Variants in TRPM3 observed in about 807,000 individuals in gnomAD.
TRPM3 encodes the protein long transient receptor potential channel 3.
A neutral mutation model predicts 181.2 loss-of-function variants in TRPM3; 77 were observed. The observed-to-expected ratio is 0.42, with a 90% confidence interval of 0.35 to 0.51. The LOEUF (loss-of-function observed/expected upper bound fraction) is 0.51, where lower values mean the gene tolerates loss of function less well. Among genes scored for constraint, TRPM3 ranks in the 20% least tolerant of loss-of-function variants. The pLI is 0.01. For synonymous variants in TRPM3, 745 were observed against 796.4 expected, an observed-to-expected ratio of 0.94 and a Z score of 1.09; for missense variants, 1,759 against 2,196.7, an observed-to-expected ratio of 0.80 and a Z score of 3.98.
intron 1 of TRPM3, among the ~76,000 whole-genome samples, chr9:71,323,194 C>T (rs1489533611): frequency 6.6e-6 from 1 of 152,038 alleles, no homozygotes; most frequent in Non-Finnish European, 1.5e-5. Context: ...AACACCATTA[C>T]AGTAGCCTTC....
At chr9:70,750,364 C>A (rs927377810) in intron 8 of TRPM3, among the ~76,000 whole-genome samples, 2 of 152,094 alleles carry the variant, frequency 1.3e-5, no homozygotes, top group Non-Finnish European at 2.9e-5. Flanking sequence ...CTGTGGAGGG[C>A]CTCAAAGCCA....
chr9:71,096,912 G>A (rs750014938), intron 1 of TRPM3, among the ~76,000 whole-genome samples: 3 of 152,080 alleles, frequency 2.0e-5, no homozygotes, highest in Non-Finnish European at 4.4e-5. Flanking sequence ...AGCTGCTGGA[G>A]TCTATCTGAT....
At chr9:70,749,524 T>C (rs542637475) in intron 8 of TRPM3, among the ~76,000 whole-genome samples, 1 of 152,276 alleles carries the variant, frequency 6.6e-6, no homozygotes, top group East Asian at 1.9e-4. Flanking sequence ...ATTGGACAAC[T>C]ATCTTATTTT....
At chr9:70,942,208 C>T (rs1482982287) in intron 1 of TRPM3, among the ~76,000 whole-genome samples, 1 of 152,162 alleles carries the variant, frequency 6.6e-6, no homozygotes, top group Non-Finnish European at 1.5e-5. Context: ...AATCCAGGAC[C>T]ATTTCCTCTT....
At chr9:71,168,995 G>A (rs955617676) in intron 1 of TRPM3, among the ~76,000 whole-genome samples, 2 of 152,096 alleles carry the variant, frequency 1.3e-5, no homozygotes, top group Non-Finnish European at 2.9e-5. Flanking sequence ...TTCCAATAAA[G>A]CAAGCAATGT....
At chr9:70,791,839 T>C (rs956989132) in intron 6 of TRPM3, among the ~76,000 whole-genome samples, 1 of 152,360 alleles carries the variant, frequency 6.6e-6, no homozygotes, top group East Asian at 1.9e-4. Flanking sequence ...TTGTTTTCAA[T>C]ACAGCTAAAC....
At chr9:71,324,154 G>T (rs1437401899) in intron 1 of TRPM3, among the ~76,000 whole-genome samples, 1 of 152,008 alleles carries the variant, frequency 6.6e-6, no homozygotes. Flanking sequence ...TCAATCTATA[G>T]ATAGATTAGA....
At chr9:71,445,911 T>A (rs1256207675) in intron 1 of TRPM3, among the ~76,000 whole-genome samples, 1 of 152,164 alleles carries the variant, frequency 6.6e-6, no homozygotes, top group Non-Finnish European at 1.5e-5. Context: ...GTTCTCTCCC[T>A]CTGGGATAAA....
intron 9 of TRPM3, among the ~76,000 whole-genome samples, chr9:70,650,254 A>G (rs2059433105): frequency 6.6e-6 from 1 of 152,192 alleles, no homozygotes; most frequent in African/African-American, 2.4e-5. Context: ...ACACAAAACC[A>G]CAGGGGCATG....
Position 71,157,102 on chromosome 9 carries a change from T to C in TRPM3, c.183+289551A>G, listed in dbSNP as rs1488477658. Among the ~76,000 whole-genome samples the C allele has an allele frequency of 3.9e-5, 6 of 152,140 alleles. No individual in the cohort carries two copies. In the East Asian group the frequency reaches 9.6e-4, roughly 24 times the overall value. ...GCTTCCCTGACTGTAATGATCCACA[T>C]TGGATACACACTGACTTTCTTAGAG... On this transcript the variant is annotated intron_variant, in intron 1 of 24. Coordinates refer to the TRPM3 transcript ENST00000357533.
intron 9 of TRPM3, among the ~76,000 whole-genome samples, chr9:70,675,089 C>T (rs2063738138): frequency 2.0e-5 from 3 of 152,032 alleles, no homozygotes; most frequent in South Asian, 4.2e-4. Context: ...AATTTCATTT[C>T]ATTTTTATTT....
chr9:70,548,585 T>G (rs2131795595), intron 25 of TRPM3, among the ~76,000 whole-genome samples: 1 of 152,326 alleles, frequency 6.6e-6, no homozygotes, highest in Middle Eastern at 3.4e-3. Flanking sequence ...GTCAATATGT[T>G]AGGCCTTTCT....
At chr9:71,110,420 T>C (rs2070803715) in intron 1 of TRPM3, among the ~76,000 whole-genome samples, 1 of 152,198 alleles carries the variant, frequency 6.6e-6, no homozygotes, top group South Asian at 2.1e-4. Context: ...ATAAATAAGT[T>C]TTATTAGAAA....
In TRPM3 at chr9:70,625,198, G is replaced by T. The variant is rs747401266; in HGVS notation, c.1802C>A (p.Pro601His). ...FRTLYHNLFG[P>H]KRPKALKLLG... Reference sequence around the variant, plus strand: ...ATTTGCAGCCAGCCTCACCCTCTTGGGGCCGAAGAGGTTGTGGTAGAGGGT... The same window carrying T: ...ATTTGCAGCCAGCCTCACCCTCTTGTGGCCGAAGAGGTTGTGGTAGAGGGT... The change falls in exon 14 of 26, where the codon CCC becomes CAC. Residue 601 changes from proline (P) to histidine (H), a missense_variant. This residue lies in a region of TRPM3 where 737 missense variants were observed against 957.4 expected (regional missense o/e 0.77). Transcript: ENST00000677713. This position sits in a 1 kb window ranked among gnomAD's most constrained non-coding sequence, Gnocchi z 4.8. 1.2e-6 allele frequency: 2 copies of T among 1,613,858 alleles called. No homozygotes were observed. The highest frequency in any genetic ancestry group is 1.7e-6 in the Non-Finnish European group (2 of 1,179,988).
chr9:71,226,158 A>C (rs2080633897), intron 1 of TRPM3, among the ~76,000 whole-genome samples: 1 of 151,608 alleles, frequency 6.6e-6, no homozygotes, highest in South Asian at 2.1e-4. Flanking sequence ...CCTCATGGTA[A>C]TCTCAAATTT....
At chr9:70,895,254 A>T (rs1448200628) in intron 1 of TRPM3, among the ~76,000 whole-genome samples, 2 of 152,288 alleles carry the variant, frequency 1.3e-5, no homozygotes, top group Non-Finnish European at 2.9e-5. Context: ...TCTTATGTTT[A>T]ATGATTACTA....
chr9:71,193,590 G>A (rs375807809), intron 1 of TRPM3, among the ~76,000 whole-genome samples: 14 of 151,750 alleles, frequency 9.2e-5, no homozygotes, highest in Middle Eastern at 3.4e-3. Flanking sequence ...ATTAATCTCC[G>A]AAACTGAAAT....
chr9:71,006,422 G>C (rs1027642921), intron 1 of TRPM3, among the ~76,000 whole-genome samples: 1 of 150,462 alleles, frequency 6.6e-6, no homozygotes, highest in Non-Finnish European at 1.5e-5. Flanking sequence ...AAAAAAACAA[G>C]ACCCAACTAT....
rs779244530 is a variant in TRPM3 at position 71,133,871 on chromosome 9, A to G, written c.184-269360T>C. On this transcript the variant is annotated intron_variant, in intron 1 of 24. Transcript: ENST00000357533. ...GACAAACACTTACTTACATATTCTTATAAGTGTTCTATGGTTAGTAAGCTG... is the reference window on the plus strand; with the variant it reads ...GACAAACACTTACTTACATATTCTTGTAAGTGTTCTATGGTTAGTAAGCTG... Among the ~76,000 whole-genome samples, 40 of 152,272 alleles carry G rather than the reference A, an allele frequency of 2.6e-4. 1 individual carries two copies. The highest frequency in any genetic ancestry group is 2.3e-3 in the South Asian group (11 of 4,824).
Sources: allele counts gnomAD v4.1 joint callset (sites outside exome capture counted in the v4.1 genomes callset), GRCh38; gene constraint gnomAD v4.1.1; regional missense constraint gnomAD v4.1.1; non-coding constraint Gnocchi (gnomAD v3.1); transcripts MANE v1.5; gene names NCBI Gene and HGNC (gene_info 2026-07-23, HGNC 2026-07-21).